RARB: variants seen among roughly 807,000 people sequenced by gnomAD.
The protein encoded by RARB is HBV-activated protein.
RARB carries 17 observed loss-of-function variants against 51.9 expected under a neutral mutation model. The observed-to-expected ratio is 0.33, with a 90% CI of 0.22 to 0.49. The LOEUF (loss-of-function observed/expected upper bound fraction) is 0.49. Among genes scored for constraint, RARB ranks in the 20% least tolerant of loss-of-function variants. The probability of loss-of-function intolerance (pLI) is 0.99; values close to 1 mark genes in which losing one functional copy is unlikely to be tolerated. For missense variants in RARB, 369 were observed against 550.8 expected, an observed-to-expected ratio of 0.67 and a Z score of 3.30; for synonymous variants, 215 against 195.4, an observed-to-expected ratio of 1.10 and a Z score of -0.84.
intron 4 of RARB, among the ~76,000 whole-genome samples, chr3:25,147,132 G>A (rs966203614): frequency 6.6e-6 from 1 of 152,036 alleles, no homozygotes; most frequent in African/African-American, 2.4e-5. Flanking sequence ...ATTCATTGGG[G>A]GACACAATTT....
chr3:25,533,773 G>C (rs1221199701), intron 3 of RARB, among the ~76,000 whole-genome samples: 1 of 152,066 alleles, frequency 6.6e-6, no homozygotes, highest in Non-Finnish European at 1.5e-5. Flanking sequence ...TTTAAAGCAG[G>C]GACTATCTGT....
chr3:25,017,145 T>C (rs28533455), intron 2 of RARB, among the ~76,000 whole-genome samples: 16,030 of 152,036 alleles, frequency 0.11, 970 homozygotes, highest in African/African-American at 0.15. Context: ...CCTGTCATTG[T>C]TGGAAAACGC....
intron 5 of RARB, among the ~76,000 whole-genome samples, chr3:25,357,757 A>C (rs940472615): frequency 1.6e-4 from 25 of 152,214 alleles, no homozygotes; most frequent in African/African-American, 6.0e-4. Context: ...AACAATGCTT[A>C]TTAAATAGGG....
chr3:25,055,843 G>C (rs1173840438), intron 2 of RARB, among the ~76,000 whole-genome samples: 2 of 152,074 alleles, frequency 1.3e-5, no homozygotes, highest in East Asian at 3.9e-4. Context: ...TCCAAAAAGA[G>C]TCACAGGTGC....
intron 3 of RARB, among the ~76,000 whole-genome samples, chr3:25,063,872 G>A (rs1289948876): frequency 6.6e-6 from 1 of 152,004 alleles, no homozygotes; most frequent in Non-Finnish European, 1.5e-5. Context: ...TTGTGGTTTA[G>A]GAGAGTCAAA....
intron 5 of RARB, among the ~76,000 whole-genome samples, chr3:25,229,811 G>A (rs1043976871): frequency 6.6e-6 from 1 of 151,228 alleles, no homozygotes; most frequent in Admixed American, 6.6e-5. Context: ...CTTCTTAATG[G>A]CTTCAGCACA....
chr3:25,499,746 G>T (rs775416798), intron 2 of RARB, among the ~76,000 whole-genome samples: 4 of 152,176 alleles, frequency 2.6e-5, no homozygotes, highest in Non-Finnish European at 5.9e-5. Context: ...AGGAGGATAT[G>T]AGAAAGATAT....
chr3:25,105,952 G>T (rs78803694), intron 3 of RARB, among the ~76,000 whole-genome samples: 6 of 152,102 alleles, frequency 3.9e-5, no homozygotes, highest in Admixed American at 2.6e-4. Flanking sequence ...TGCACAGTAC[G>T]ATTTGGTAGT....
chr3:25,085,646 A>T (rs1389310481), intron 3 of RARB, among the ~76,000 whole-genome samples: 2 of 152,164 alleles, frequency 1.3e-5, no homozygotes. Context: ...AATATTTATA[A>T]ATCAGATTTT....
chr3:25,163,920 G>A (rs974583027), intron 4 of RARB, among the ~76,000 whole-genome samples: 2 of 152,190 alleles, frequency 1.3e-5, no homozygotes, highest in African/African-American at 4.8e-5. Context: ...CCTGGCCATA[G>A]GTCTTGTTCT....
intron 5 of RARB, among the ~76,000 whole-genome samples, chr3:25,591,023 C>T (rs887978276): frequency 6.6e-6 from 1 of 152,162 alleles, no homozygotes; most frequent in Non-Finnish European, 1.5e-5. Flanking sequence ...TGGCTTCATA[C>T]CCCATCAGTT....
At chr3:25,204,939 C>G (rs555851546) in intron 5 of RARB, among the ~76,000 whole-genome samples, 1 of 152,306 alleles carries the variant, frequency 6.6e-6, no homozygotes, top group Admixed American at 6.5e-5. Flanking sequence ...AGAACCACTA[C>G]TCTCTTCAAA....
intron 3 of RARB, among the ~76,000 whole-genome samples, chr3:25,064,585 G>A (rs1559452845): frequency 1.3e-5 from 2 of 152,100 alleles, no homozygotes; most frequent in African/African-American, 2.4e-5. Flanking sequence ...CATGAAAGGG[G>A]TCAACTTCAC....
At chr3:24,830,070 C>T (rs1443216113) in intron 1 of RARB, among the ~76,000 whole-genome samples, 1 of 152,116 alleles carries the variant, frequency 6.6e-6, no homozygotes, top group African/African-American at 2.4e-5. Flanking sequence ...GTACTAGGGG[C>T]TTGGCGCCGG....
intron 2 of RARB, among the ~76,000 whole-genome samples, chr3:24,880,499 A>G (rs1703138480): frequency 6.6e-6 from 1 of 152,136 alleles, no homozygotes; most frequent in Non-Finnish European, 1.5e-5. Flanking sequence ...GAAGATACCT[A>G]TTTGTTCTTC....
intron 3 of RARB, among the ~76,000 whole-genome samples, chr3:25,097,416 A>G (rs960427785): frequency 6.6e-6 from 1 of 152,210 alleles, no homozygotes; most frequent in Non-Finnish European, 1.5e-5. Flanking sequence ...GTAGTAATAT[A>G]ATTTCATCAT....
chr3:25,434,529 CTT>C (rs140015265), intron 1 of RARB, among the ~76,000 whole-genome samples: 27,477 of 122,672 alleles, frequency 0.22, 3,664 homozygotes, highest in East Asian at 0.4. Context: ...CTTGGTACTC[CTT>C]TTTTTTTTTT....
At chr3:24,997,285 C>T (rs540671595) in intron 2 of RARB, among the ~76,000 whole-genome samples, 1 of 151,992 alleles carries the variant, frequency 6.6e-6, no homozygotes, top group Admixed American at 6.6e-5. Context: ...ATTTCTAGTC[C>T]ATTTTGGTTT....
intron 2 of RARB, among the ~76,000 whole-genome samples, chr3:24,931,080 T>A (rs1412603101): frequency 1.3e-5 from 2 of 152,026 alleles, no homozygotes; most frequent in African/African-American, 2.4e-5. Context: ...ACACAACTCT[T>A]AAGTAGAGAA....
Sources: allele counts gnomAD v4.1 joint callset (sites outside exome capture counted in the v4.1 genomes callset), GRCh38; gene constraint gnomAD v4.1.1; transcripts MANE v1.5; gene names NCBI Gene and HGNC (gene_info 2026-07-23, HGNC 2026-07-21).